Variants in ANGPTL1 observed in about 807,000 individuals in gnomAD.
ANGPTL1 encodes angiopoietin like 1.
ANGPTL1 carries 36 observed loss-of-function variants against 46.7 expected under a neutral mutation model. The observed-to-expected ratio is 0.77, with a 90% CI of 0.59 to 1.02. The LOEUF (loss-of-function observed/expected upper bound fraction) is 1.02, where lower values mean the gene tolerates loss of function less well. Among genes scored for constraint, ANGPTL1 ranks in the 50% least tolerant of loss-of-function variants. The pLI is 0.00. For missense variants in ANGPTL1, 571 were observed against 594.7 expected (o/e 0.96, Z 0.41); for synonymous variants, 221 against 204.3 (o/e 1.08, Z -0.69).
chr1:178,862,593 TTTTA>T (rs57690079), intron 3 of ANGPTL1, among the ~76,000 whole-genome samples: 46,023 of 140,438 alleles, frequency 0.33, 7,626 homozygotes, highest in Non-Finnish European at 0.38. Flanking sequence ...GTTGCATTTT[TTTTA>T]TTTATTTATT....
At chr1:178,866,455 T>C (rs1658418567) in intron 2 of ANGPTL1, among the ~76,000 whole-genome samples, 1 of 152,192 alleles carries the variant, frequency 6.6e-6, no homozygotes, top group East Asian at 1.9e-4. Context: ...TTTAGAATGA[T>C]AGAATGCTCA....
chr1:178,853,002 T>G, intron 4 of ANGPTL1, 49 bp from the exon 5 acceptor site: 1 of 1,546,528 alleles, frequency 6.5e-7, no homozygotes, highest in Non-Finnish European at 8.7e-7. Flanking sequence ...ATAGAGATAG[T>G]AAACATTTTT....
At chr1:178,855,654 A>T (rs1214089554) in intron 3 of ANGPTL1, among the ~76,000 whole-genome samples, 1 of 151,788 alleles carries the variant, frequency 6.6e-6, no homozygotes, top group African/African-American at 2.4e-5. Context: ...CTCTTTTGAG[A>T]TGCCCTATCT....
intron 3 of ANGPTL1, among the ~76,000 whole-genome samples, chr1:178,861,450 GTTTT>G (rs547749109): frequency 1.4e-5 from 2 of 144,386 alleles, no homozygotes; most frequent in African/African-American, 5.0e-5. Context: ...GCATTCGTGG[GTTTT>G]TTTTTTTGTA....
intron 4 of ANGPTL1, 64 bp downstream of exon 4, chr1:178,853,530 G>T (rs1657322378): frequency 1.6e-6 from 2 of 1,262,878 alleles, no homozygotes; most frequent in Non-Finnish European, 2.1e-6. Flanking sequence ...ATAGCATCTT[G>T]TTTCTTGCAT....
At position 178,852,938 on chromosome 1, in the gene ANGPTL1, T is replaced by C; in HGVS notation, c.1033A>G (p.Ile345Val). 1 of 1,611,592 alleles carries C rather than the reference T, an allele frequency of 6.2e-7. No individual in the cohort carries two copies. The highest frequency in any genetic ancestry group is 8.5e-7 in the Non-Finnish European group (1 of 1,178,850). Residue 345 changes from isoleucine to valine, a missense_variant, in exon 5 of 6, where the codon ATT becomes GTT. Coordinates refer to ENST00000234816, the MANE Select transcript of ANGPTL1 (RefSeq NM_004673.4). ...WENYKKGFGN[I>V]DGEYWLGLEN... ...AGTCCAAGCCAGTATTCTCCGTCAA[T>C]GTTTCCAAACCCTTTCTGTTAATAA...
intron 5 of ANGPTL1, 46 bp from the exon 6 acceptor site, chr1:178,851,362 T>A (rs1391254044): frequency 6.6e-7 from 1 of 1,513,776 alleles, no homozygotes; most frequent in Non-Finnish European, 8.9e-7. Flanking sequence ...TTCTTCTAGG[T>A]GTGGTACTCT....
At chr1:178,855,203 T>C (rs1427121858) in intron 3 of ANGPTL1, among the ~76,000 whole-genome samples, 1 of 152,040 alleles carries the variant, frequency 6.6e-6, no homozygotes, top group African/African-American at 2.4e-5. Context: ...GGGATAGAAT[T>C]AATCTCATTA....
intron 3 of ANGPTL1, among the ~76,000 whole-genome samples, chr1:178,854,953 A>G (rs1179625880): frequency 6.6e-6 from 1 of 152,144 alleles, no homozygotes; most frequent in Non-Finnish European, 1.5e-5. Flanking sequence ...TTTTATAAAC[A>G]TGCAAAATAT....
chr1:178,850,855 T>A lies in ANGPTL1; in HGVS notation c.*274A>T, dbSNP rs1457969719. 1 of 274,948 alleles carries A rather than the reference T, an allele frequency of 3.6e-6. No homozygotes were observed. The highest frequency in any genetic ancestry group is 6.7e-6 in the Non-Finnish European group (1 of 149,144). The allele number at this position is 274,948 out of a possible 1,614,324, so 17.0% of individuals were successfully genotyped here. The stretch of plus-strand genomic sequence containing the variant: ...AAATATAGCTAAGATTTGCTTTACA[T>A]TGTGGCAAATATTTACATTTTAGAA... On this transcript the variant is annotated 3_prime_UTR_variant, in exon 6 of 6. Coordinates refer to ENST00000234816, the MANE Select transcript of ANGPTL1 (RefSeq NM_004673.4).
At chr1:178,852,587 T>C in intron 5 of ANGPTL1, 96 bp downstream of exon 5, 1 of 1,373,274 alleles carries the variant, frequency 7.3e-7, no homozygotes, top group East Asian at 2.3e-5. Context: ...AAAACTGACC[T>C]TTTTGAAAAG....
rs755486642 is a variant in ANGPTL1, at chr1:178,852,898, A to T, written c.1073T>A (p.Met358Lys). Residue 358 changes from methionine (M) to lysine (K), a missense_variant, in exon 5 of 6, where the codon ATG (methionine) becomes AAG (lysine). By Grantham distance (95) the Met-to-Lys change is moderately conservative. Transcript: ENST00000234816. ...EYWLGLENIY[M>K]LSNQDNYKLL... ...CTTGTAATTATCTTGATTGCTAAGC[A>T]TATAGATATTTTCCAGTCCAAGCCA... 3.7e-6 allele frequency: 6 copies of T among 1,613,680 alleles called. No individual in the cohort carries two copies. Among genetic ancestry groups the T allele is most frequent in the Non-Finnish European group, 5.1e-6 (6 of 1,179,804 alleles).
chr1:178,854,833 A>G (rs1434424556), intron 3 of ANGPTL1, among the ~76,000 whole-genome samples: 1 of 152,182 alleles, frequency 6.6e-6, no homozygotes, highest in Non-Finnish European at 1.5e-5. Context: ...AAATTTTACA[A>G]GTGACAACAC....
intron 2 of ANGPTL1, among the ~76,000 whole-genome samples, chr1:178,868,359 A>AT (rs1357208132): frequency 1.3e-5 from 2 of 151,948 alleles, no homozygotes; most frequent in African/African-American, 4.8e-5. Flanking sequence ...TATATATTTA[A>AT]TTTAACTTAC....
At chr1:178,851,396 C>A in intron 5 of ANGPTL1, 80 bp from the exon 6 acceptor site, 1 of 1,303,534 alleles carries the variant, frequency 7.7e-7, no homozygotes, top group Non-Finnish European at 1.0e-6. Context: ...ACTTATTCTA[C>A]CTTTAATTTG....
chr1:178,858,081 A>C (rs1657714545), intron 3 of ANGPTL1, among the ~76,000 whole-genome samples: 1 of 152,156 alleles, frequency 6.6e-6, no homozygotes, highest in Non-Finnish European at 1.5e-5. Context: ...ATGTAGTTGA[A>C]GTTCTTTTCC....
In ANGPTL1 at chr1:178,851,315, T is replaced by C; in HGVS notation, c.1290A>G (p.Gly430=). 1 of 1,604,200 alleles carries C rather than the reference T, an allele frequency of 6.2e-7. No homozygotes were observed. Among genetic ancestry groups the C allele is most frequent in the Non-Finnish European group, 8.5e-7 (1 of 1,176,208 alleles). ...TLDRDKDMYA[G]NCAHFHKGGW... ...CTCCTTTATGAAAGTGGGCGCAGTT[T>C]CCTTTGAGGAAAAAATACAGATATA... The change falls in exon 6 of 6, where the codon GGA becomes GGG. Residue 430 remains glycine, a splice_region_variant and synonymous_variant. Coordinates refer to ENST00000234816, the MANE Select transcript of ANGPTL1 (RefSeq NM_004673.4).
intron 3 of ANGPTL1, among the ~76,000 whole-genome samples, chr1:178,860,092 A>G (rs551058850): frequency 1.3e-5 from 2 of 152,202 alleles, no homozygotes; most frequent in East Asian, 1.9e-4. Context: ...ACTCAGATCT[A>G]TGCTTTTACA....
chr1:178,856,202 G>GAGAGAGAGATATATATATAT (rs1428022812), intron 3 of ANGPTL1, among the ~76,000 whole-genome samples: 1 of 83,912 alleles, frequency 1.2e-5, no homozygotes, highest in African/African-American at 6.4e-5. Flanking sequence ...GAGAGAGAGA[G>GAGAGAGAGATATATATATAT]ATATATATAT....
Sources: allele counts gnomAD v4.1 joint callset (sites outside exome capture counted in the v4.1 genomes callset), GRCh38; gene constraint gnomAD v4.1.1; transcripts MANE v1.5; gene names NCBI Gene and HGNC (gene_info 2026-07-23, HGNC 2026-07-21).